Variants in CAPN8 observed in about 807,000 individuals in gnomAD.
The protein encoded by CAPN8 is calpain-8.
A neutral mutation model predicts 80.9 loss-of-function variants in CAPN8; 87 were observed. The ratio of observed to expected loss-of-function variants is 1.07; its 90% confidence interval spans 0.90 to 1.28. The LOEUF (loss-of-function observed/expected upper bound fraction) is 1.28, where lower values mean the gene tolerates loss of function less well. Among genes scored for constraint, CAPN8 ranks in the 50% most tolerant of loss-of-function variants. CAPN8 has a pLI of 0.00. For synonymous variants in CAPN8, 299 were observed against 273.8 expected (o/e 1.09, Z -0.91); for missense variants, 757 against 702.0 (o/e 1.08, Z -0.89).
chr1:223,659,627 T>C (rs1212045368), intron 1 of CAPN8, among the ~76,000 whole-genome samples: 1 of 152,198 alleles, frequency 6.6e-6, no homozygotes, highest in Admixed American at 6.5e-5. Flanking sequence ...CTGTCAAATT[T>C]AACTGCTTCT....
intron 10 of CAPN8, among the ~76,000 whole-genome samples, chr1:223,613,771 A>T (rs1032827882): frequency 6.6e-6 from 1 of 151,996 alleles, no homozygotes; most frequent in Non-Finnish European, 1.5e-5. Context: ...CTCAATCCAA[A>T]CTCCAGTTAA....
At chr1:223,556,978 G>C (rs1656919512) in intron 13 of CAPN8, among the ~76,000 whole-genome samples, 1 of 152,150 alleles carries the variant, frequency 6.6e-6, no homozygotes, top group Non-Finnish European at 1.5e-5. Context: ...AGATCACCAA[G>C]AGTCACAAGC....
At chr1:223,639,189 G>T (rs371194246) in intron 2 of CAPN8, among the ~76,000 whole-genome samples, 1 of 152,150 alleles carries the variant, frequency 6.6e-6, no homozygotes, top group Non-Finnish European at 1.5e-5. Context: ...GCAGTGAGCC[G>T]AGATAGTGCC....
In CAPN8 at chr1:223,618,181, G is replaced by C. The variant is rs1553336333; in HGVS notation, c.1135+1112C>G. On this transcript the variant is annotated intron_variant, in intron 9 of 20. Transcript: ENST00000366872. ...GGGAGCAGGAGGTGAAAAGTAGAGAGAGCAGGATTTGCTTTTCTTCATTTC... is the reference window on the plus strand; with the variant it reads ...GGGAGCAGGAGGTGAAAAGTAGAGACAGCAGGATTTGCTTTTCTTCATTTC... 289 of 1,531,900 alleles carry C rather than the reference G, an allele frequency of 1.9e-4. 6 individuals carry two copies. In the South Asian group the frequency reaches 3.3e-3, roughly 17 times the overall value. 94.9% of individuals were successfully genotyped at this position (1,531,900 alleles called of 1,614,324 possible). A position where few individuals can be genotyped will look rare whatever the true frequency, so the allele number is the denominator to read the frequency against.
rs116063277 is a variant in CAPN8, at chr1:223,665,267, A to T, written c.237+143T>A. 1,367 of 660,514 alleles carry T rather than the reference A, an allele frequency of 2.1e-3. 15 individuals carry two copies. Among genetic ancestry groups the T allele is most frequent in the African/African-American group, 0.012 (642 of 55,008 alleles). 40.9% of individuals were successfully genotyped at this position (660,514 alleles called of 1,614,324 possible). A position where few individuals can be genotyped will look rare whatever the true frequency, so the allele number is the denominator to read the frequency against. On this transcript the variant is annotated intron_variant, in intron 1 of 20. Coordinates refer to ENST00000366872, the MANE Select transcript of CAPN8 (RefSeq NM_001143962.2). ...GACTCCATCTCAAAAAAATAAAATT[A>T]AAAAAGGTGGTGGTGGAGGGATCTG...
At position 223,614,614 on chromosome 1, in the gene CAPN8, A is replaced by T. The variant is rs73119716; in HGVS notation, c.1311+1356T>A. On this transcript the variant is annotated intron_variant, in intron 10 of 20. Transcript: ENST00000366872. Reference sequence around the variant, plus strand: ...GATGAAGCTGAGGTGAACCCAGCCCATTGTGTCAGGTCCCCATCACAGCAG... The same window carrying T: ...GATGAAGCTGAGGTGAACCCAGCCCTTTGTGTCAGGTCCCCATCACAGCAG... Among the ~76,000 whole-genome samples the T allele has an allele frequency of 5.6e-3, 849 of 152,296 alleles. 9 individuals are homozygous for T. The highest frequency in any genetic ancestry group is 0.019 in the African/African-American group (773 of 41,554).
chr1:223,645,862 A>C (rs1485807541), intron 2 of CAPN8, among the ~76,000 whole-genome samples: 2 of 152,160 alleles, frequency 1.3e-5, no homozygotes, highest in African/African-American at 4.8e-5. Flanking sequence ...CAGAAGGGAG[A>C]GGGTAAACTG....
rs373277913 is a variant in CAPN8, at chr1:223,541,763, C to T, written c.*73G>A. The T allele has an allele frequency of 2.9e-4, 455 of 1,550,678 alleles. 2 individuals are homozygous for T. Among genetic ancestry groups the T allele is most frequent in the South Asian group, 1.0e-3 (86 of 84,016 alleles). Reference sequence around the variant, plus strand: ...AATGCCACTGGAGCATAAATGTTCACAAAATTGTAGAGAAGGGGTGACAAG... The same window carrying T: ...AATGCCACTGGAGCATAAATGTTCATAAAATTGTAGAGAAGGGGTGACAAG... On this transcript the variant is annotated 3_prime_UTR_variant, in exon 21 of 21. Transcript: ENST00000366872.
chr1:223,556,409 A>G (rs1475998493), intron 13 of CAPN8, among the ~76,000 whole-genome samples: 1 of 152,212 alleles, frequency 6.6e-6, no homozygotes, highest in African/African-American at 2.4e-5. Flanking sequence ...GATCTTGGGG[A>G]TATGGGAACC....
At chr1:223,541,978 C>T (rs954560720) in intron 20 of CAPN8, 119 bp from the exon 21 acceptor site, 17 of 1,478,288 alleles carry the variant, frequency 1.1e-5, no homozygotes, top group Non-Finnish European at 1.5e-5. Context: ...CCAGTAAGTG[C>T]CTTGCTCAAA....
intron 15 of CAPN8, among the ~76,000 whole-genome samples, chr1:223,549,870 T>C (rs1001368081): frequency 6.6e-6 from 1 of 152,160 alleles, no homozygotes; most frequent in Non-Finnish European, 1.5e-5. Context: ...TCAAAATCAC[T>C]CCGTGTGGTA....
chr1:223,616,173 C>G, intron 9 of CAPN8, 28 bp from the exon 10 acceptor site: 1 of 1,535,196 alleles, frequency 6.5e-7, no homozygotes, highest in Non-Finnish European at 8.8e-7. Flanking sequence ...GATGGTGGTT[C>G]CCCACGTAGC....
chr1:223,548,515 G>C (rs774688852), intron 16 of CAPN8, among the ~76,000 whole-genome samples: 5 of 152,138 alleles, frequency 3.3e-5, no homozygotes, highest in Non-Finnish European at 7.4e-5. Flanking sequence ...GGTCATGAGG[G>C]TGGAACCCTC....
At chr1:223,630,976 C>T (rs972357359) in intron 2 of CAPN8, among the ~76,000 whole-genome samples, 5 of 152,220 alleles carry the variant, frequency 3.3e-5, no homozygotes, top group Admixed American at 2.6e-4. Context: ...CTGCTCGCAA[C>T]TGTCCTCCAT....
chr1:223,612,816 A>G (rs547432661), intron 10 of CAPN8, among the ~76,000 whole-genome samples: 1 of 152,334 alleles, frequency 6.6e-6, no homozygotes, highest in Admixed American at 6.5e-5. Flanking sequence ...GGAATGAAGA[A>G]ATCTAGACTA....
In CAPN8 at chr1:223,553,915, A is replaced by C. The variant is rs1172309283; in HGVS notation, c.1573-15T>G. On this transcript the variant is annotated splice_polypyrimidine_tract_variant and intron_variant, in intron 13 of 20. Coordinates refer to ENST00000366872, the MANE Select transcript of CAPN8 (RefSeq NM_001143962.2). Reference sequence around the variant, plus strand: ...CTGGGATGTGGCTAAAAAGAAGGACATTTGCAAAGTTAAAATGGGAATCGT... The same window carrying C: ...CTGGGATGTGGCTAAAAAGAAGGACCTTTGCAAAGTTAAAATGGGAATCGT... 1 of 398,534 alleles carries C rather than the reference A, an allele frequency of 2.5e-6. No individual in the cohort carries two copies. Among genetic ancestry groups the C allele is most frequent in the Admixed American group, 4.4e-5 (1 of 22,722 alleles). The allele number at this position is 398,534 out of a possible 1,614,324, so 24.7% of individuals were successfully genotyped here.
chr1:223,665,147 G>A (rs967886610), intron 1 of CAPN8, among the ~76,000 whole-genome samples: 1 of 152,114 alleles, frequency 6.6e-6, no homozygotes, highest in African/African-American at 2.4e-5. Context: ...CAGCTACTCG[G>A]GAGGCTGAGG....
In CAPN8 at chr1:223,619,466, C is replaced by T; in HGVS notation, c.975-13G>A. ...TGAAAGTGACATCCTGGGGCAGAGG[C>T]ACCAGAGGGCTCTCAGTGAAGAGGG... On this transcript the variant is annotated splice_polypyrimidine_tract_variant and intron_variant, in intron 8 of 20. Coordinates refer to ENST00000366872, the MANE Select transcript of CAPN8 (RefSeq NM_001143962.2). 3.2e-6 allele frequency: 5 copies of T among 1,551,370 alleles called. No homozygotes were observed. Among genetic ancestry groups the T allele is most frequent in the Non-Finnish European group, 4.4e-6 (5 of 1,146,920 alleles).
chr1:223,558,575 T>C (rs1410797578), intron 12 of CAPN8, among the ~76,000 whole-genome samples: 22 of 152,238 alleles, frequency 1.4e-4, no homozygotes, highest in Admixed American at 1.0e-3. Flanking sequence ...ATGTTGTGTG[T>C]GCTATGGTGT....
Sources: allele counts gnomAD v4.1 joint callset (sites outside exome capture counted in the v4.1 genomes callset), GRCh38; gene constraint gnomAD v4.1.1; transcripts MANE v1.5; gene names NCBI Gene and HGNC (gene_info 2026-07-23, HGNC 2026-07-21).